Variants in EPB41L1 observed in about 807,000 individuals in gnomAD.
The protein encoded by EPB41L1 is erythrocyte membrane protein band 4.1 like 1.
Under a neutral mutation model 97.8 loss-of-function variants are expected in EPB41L1, and 29 were observed. The observed-to-expected ratio is 0.30, with a 90% confidence interval of 0.22 to 0.40. EPB41L1 has a LOEUF of 0.40. Among genes scored for constraint, EPB41L1 ranks in the 10% least tolerant of loss-of-function variants. The pLI, the probability that EPB41L1 is intolerant of heterozygous loss-of-function variation, is 1.00. For missense variants in EPB41L1, 812 were observed against 1,162.3 expected (o/e 0.70, Z 4.38); for synonymous variants, 383 against 459.2 (o/e 0.83, Z 2.12).
Position 36,194,264 on chromosome 20 carries a change from C to T in EPB41L1, c.1353C>T (p.Asp451=), listed in dbSNP as rs1232516207. Residue 451 remains aspartate, a synonymous_variant, in exon 12 of 22, where the codon GAC becomes GAT. Transcript: ENST00000338074. Reference sequence around the variant, plus strand: ...GCGAGAACCATGATGCAGGGCCTGACGGTGACAAGCGGGATGAGGATGGCG... The same window carrying T: ...GCGAGAACCATGATGCAGGGCCTGATGGTGACAAGCGGGATGAGGATGGCG... ...SVSENHDAGP[D]GDKRDEDGES... 2.5e-6 allele frequency: 4 copies of T among 1,614,128 alleles called. No individual in the cohort carries two copies. Among genetic ancestry groups the T allele is most frequent in the East Asian group, 2.2e-5 (1 of 44,870 alleles).
chr20:36,177,931 C>T (rs1163374297), intron 3 of EPB41L1, 21 bp from the exon 4 acceptor site: 2 of 1,603,288 alleles, frequency 1.2e-6, no homozygotes, highest in East Asian at 2.2e-5. Flanking sequence ...AGCCTCATAG[C>T]TGCTCTGCTT....
intron 2 of EPB41L1, among the ~76,000 whole-genome samples, chr20:36,149,188 T>C (rs575862954): frequency 6.6e-6 from 1 of 152,286 alleles, no homozygotes; most frequent in South Asian, 2.1e-4. Flanking sequence ...TCAGAGAGGC[T>C]AAGGCCTTGC....
intron 1 of EPB41L1, among the ~76,000 whole-genome samples, chr20:36,170,908 T>C (rs2060961976): frequency 6.6e-6 from 1 of 152,214 alleles, no homozygotes; most frequent in African/African-American, 2.4e-5. Flanking sequence ...CAGCGGGCTC[T>C]GCTGGAGACC....
intron 9 of EPB41L1, among the ~76,000 whole-genome samples, chr20:36,188,919 A>G (rs950128874): frequency 1.3e-5 from 2 of 152,006 alleles, no homozygotes. Flanking sequence ...AAGAAATATA[A>G]CTACATACAT....
chr20:36,117,909 A>G (rs933566285), intron 2 of EPB41L1, among the ~76,000 whole-genome samples: 2 of 152,202 alleles, frequency 1.3e-5, no homozygotes, highest in Non-Finnish European at 2.9e-5. Flanking sequence ...AGAGTTCCCC[A>G]AATCCAGTCC....
chr20:36,125,447 G>T (rs1346738154), intron 2 of EPB41L1: 12 of 929,540 alleles, frequency 1.3e-5, no homozygotes, highest in Non-Finnish European at 2.0e-5. Flanking sequence ...CTGCCTCATG[G>T]TTTTCTTGGG....
At chr20:36,142,893 C>T (rs943677712) in intron 2 of EPB41L1, among the ~76,000 whole-genome samples, 8 of 152,170 alleles carry the variant, frequency 5.3e-5, no homozygotes, top group African/African-American at 1.9e-4. Context: ...AGTCACCAAT[C>T]CAAGACATTC....
intron 2 of EPB41L1, among the ~76,000 whole-genome samples, chr20:36,115,734 A>C (rs923146269): frequency 2.0e-5 from 3 of 152,142 alleles, no homozygotes. Context: ...TCTACTAAAA[A>C]TACAAAAATT....
chr20:36,186,935 A>T (rs1385014027), intron 7 of EPB41L1, among the ~76,000 whole-genome samples: 1 of 152,228 alleles, frequency 6.6e-6, no homozygotes, highest in East Asian at 1.9e-4. Context: ...CATTGTCTAG[A>T]TTCAAATTCT....
intron 2 of EPB41L1, among the ~76,000 whole-genome samples, chr20:36,116,677 G>A (rs2058595142): frequency 6.6e-6 from 1 of 152,196 alleles, no homozygotes; most frequent in South Asian, 2.1e-4. Context: ...GGTTCTCCAT[G>A]TCCTCCCTGG....
At chr20:36,158,662 G>C (rs998858223) in intron 1 of EPB41L1, among the ~76,000 whole-genome samples, 1 of 152,180 alleles carries the variant, frequency 6.6e-6, no homozygotes, top group Non-Finnish European at 1.5e-5. Context: ...GCAATGCATT[G>C]TATTAGCCAC....
chr20:36,149,101 A>G (rs1257341974), intron 2 of EPB41L1, among the ~76,000 whole-genome samples: 3 of 152,160 alleles, frequency 2.0e-5, no homozygotes, highest in Non-Finnish European at 4.4e-5. Flanking sequence ...CTTTGTGGGC[A>G]TTCTTGCATG....
chr20:36,138,772 T>C (rs765184738), intron 2 of EPB41L1, among the ~76,000 whole-genome samples: 14 of 152,348 alleles, frequency 9.2e-5, no homozygotes, highest in Middle Eastern at 3.4e-3. Flanking sequence ...GAACATGCAC[T>C]GGAGCTTTGA....
chr20:36,134,289 C>G (rs1291890840), intron 2 of EPB41L1, among the ~76,000 whole-genome samples: 1 of 152,224 alleles, frequency 6.6e-6, no homozygotes, highest in South Asian at 2.1e-4. Flanking sequence ...CTCCAGTAGA[C>G]CAGAGAGTTG....
At chr20:36,112,771 G>A (rs992838320) in intron 2 of EPB41L1, among the ~76,000 whole-genome samples, 1 of 152,198 alleles carries the variant, frequency 6.6e-6, no homozygotes, top group Admixed American at 6.5e-5. Flanking sequence ...GTGAAGGACG[G>A]TGCTGGGCCT....
intron 2 of EPB41L1, among the ~76,000 whole-genome samples, chr20:36,146,146 A>G (rs185491401): frequency 6.6e-6 from 1 of 152,294 alleles, no homozygotes; most frequent in Admixed American, 6.5e-5. Flanking sequence ...TCTGTTTTAC[A>G]TTGCAGTTGG....
chr20:36,104,141 T>C (rs891342866), intron 1 of EPB41L1, among the ~76,000 whole-genome samples: 14 of 152,182 alleles, frequency 9.2e-5, no homozygotes, highest in African/African-American at 3.1e-4. Context: ...AGTAAGACTC[T>C]AGTACAAGAA....
In EPB41L1 at chr20:36,212,521, G is replaced by GC; in HGVS notation, c.2184+147dup. The GC allele has an allele frequency of 1.4e-6, 1 of 712,824 alleles. No individual in the cohort carries two copies. Among genetic ancestry groups the GC allele is most frequent in the Admixed American group, 2.2e-5 (1 of 46,202 alleles). The allele number at this position is 712,824 out of a possible 1,614,324, so 44.2% of individuals were successfully genotyped here. ...TATGTTAATCCTGATGCTCTCCTGTGCCTCAGTGTCCTCTCTGAGCTCTGG... is the reference window on the plus strand; with the variant it reads ...TATGTTAATCCTGATGCTCTCCTGTGCCCTCAGTGTCCTCTCTGAGCTCTGG... On this transcript the variant is annotated intron_variant, in intron 16 of 21. Coordinates refer to ENST00000338074, the MANE Select transcript of EPB41L1 (RefSeq NM_012156.2). The surrounding 1 kb of genome is among the most constrained non-coding windows in gnomAD (Gnocchi z 4.8).
Position 36,207,698 on chromosome 20 carries a change from A to G in EPB41L1, c.1669-1790A>G. ...TTCAGGGAGGACACTTCTGCATCCT[A>G]CCAGGAAGCACACACGGAACTAGAG... On this transcript the variant is annotated intron_variant, in intron 14 of 21. Coordinates refer to ENST00000338074, the MANE Select transcript of EPB41L1 (RefSeq NM_012156.2). The surrounding 1 kb of genome is among the most constrained non-coding windows in gnomAD (Gnocchi z 4.9). 7.8e-7 allele frequency: 1 copy of G among 1,290,042 alleles called. No homozygotes were observed. Among genetic ancestry groups the G allele is most frequent in the South Asian group, 1.2e-5 (1 of 81,028 alleles). The allele number at this position is 1,290,042 out of a possible 1,614,324, so 79.9% of individuals were successfully genotyped here.
Sources: allele counts gnomAD v4.1 joint callset (sites outside exome capture counted in the v4.1 genomes callset), GRCh38; gene constraint gnomAD v4.1.1; non-coding constraint Gnocchi (gnomAD v3.1); transcripts MANE v1.5; gene names NCBI Gene and HGNC (gene_info 2026-07-23, HGNC 2026-07-21).